Variants in GYPE observed in about 807,000 individuals in gnomAD.
The protein encoded by GYPE is glycophorin E (MNS blood group).
A neutral mutation model predicts 11.6 loss-of-function variants in GYPE; 8 were observed. The ratio of observed to expected loss-of-function variants is 0.69; its 90% CI spans 0.41 to 1.25. GYPE has a LOEUF of 1.25. GYPE is among the 50% of genes most tolerant of loss of function. GYPE has a pLI of 0.01. For missense variants in GYPE, 90 were observed against 92.8 expected (o/e 0.97, Z 0.12); for synonymous variants, 28 against 29.6 (o/e 0.94, Z 0.18).
In GYPE at chr4:143,879,862, T is replaced by C. The variant is rs1166370446; in HGVS notation, c.136+549A>G. Among the ~76,000 whole-genome samples, 4 of 152,192 alleles carry C rather than the reference T, an allele frequency of 2.6e-5. 1 individual carries two copies. Among genetic ancestry groups the C allele is most frequent in the African/African-American group, 9.7e-5 (4 of 41,432 alleles). On this transcript the variant is annotated intron_variant, in intron 2 of 3. Transcript: ENST00000358615. ...ACAAGAGAGACTGCCACCAGATTAC[T>C]CTTATCTCAGCACCCAGCTTTGCTT...
At chr4:143,904,559 C>T (rs184515113) in intron 1 of GYPE, among the ~76,000 whole-genome samples, 31 of 152,252 alleles carry the variant, frequency 2.0e-4, no homozygotes, top group Admixed American at 6.5e-4. Flanking sequence ...TTAGAAAATG[C>T]TGATCTCTCT....
At position 143,905,502 on chromosome 4, in the gene GYPE, A is replaced by G. The variant is rs753758333; in HGVS notation, c.6T>C (p.Tyr2=). 6.2e-7 allele frequency: 1 copy of G among 1,613,274 alleles called. No homozygotes were observed. Among genetic ancestry groups the G allele is most frequent in the Admixed American group, 1.7e-5 (1 of 59,952 alleles). The change falls in exon 1 of 4, where the codon TAT becomes TAC. Residue 2 remains tyrosine, a synonymous_variant. Transcript: ENST00000358615. M[Y]GKIIFVLLLS... ...ATAGTAATACAAAGATTATTTTTCC[A>G]TACATCCTGAGATCACGAGCTGGCT...
At chr4:143,885,420 C>T (rs1814467) in intron 1 of GYPE, among the ~76,000 whole-genome samples, 1 of 152,122 alleles carries the variant, frequency 6.6e-6, no homozygotes. Flanking sequence ...AGACTTCTTT[C>T]TTCTTCAACA....
chr4:143,891,730 C>T (rs1330507603), intron 1 of GYPE, among the ~76,000 whole-genome samples: 3 of 152,058 alleles, frequency 2.0e-5, no homozygotes, highest in Non-Finnish European at 4.4e-5. Context: ...GTTTGCTTGG[C>T]CCCTGTATTA....
At chr4:143,891,374 G>A (rs1287713569) in intron 1 of GYPE, among the ~76,000 whole-genome samples, 2 of 141,606 alleles carry the variant, frequency 1.4e-5, no homozygotes, top group East Asian at 2.1e-4. Context: ...TGTCGCCCAA[G>A]CTGGAGTGCA....
intron 1 of GYPE, among the ~76,000 whole-genome samples, chr4:143,891,678 T>C (rs888375301): frequency 2.0e-5 from 3 of 152,110 alleles, no homozygotes; most frequent in Admixed American, 6.6e-5. Context: ...TTGTAACTTG[T>C]AAGGTATACA....
chr4:143,875,024 C>A (rs1376756240), intron 3 of GYPE, among the ~76,000 whole-genome samples: 2 of 152,180 alleles, frequency 1.3e-5, no homozygotes, highest in Non-Finnish European at 2.9e-5. Flanking sequence ...AAGGATCTCA[C>A]AGTATGATAA....
chr4:143,875,931 G>A (rs1026680930), intron 3 of GYPE, among the ~76,000 whole-genome samples: 21 of 151,098 alleles, frequency 1.4e-4, no homozygotes, highest in East Asian at 7.8e-4. Flanking sequence ...CAGAGATTGC[G>A]CCACTTTGCA....
intron 3 of GYPE, among the ~76,000 whole-genome samples, chr4:143,875,783 A>G (rs1418438725): frequency 2.6e-5 from 4 of 152,112 alleles, no homozygotes; most frequent in African/African-American, 9.7e-5. Context: ...AGCCTGGCCA[A>G]CACAGCGAAA....
At chr4:143,897,281 TAAG>T (rs1744688643) in intron 1 of GYPE, among the ~76,000 whole-genome samples, 1 of 151,950 alleles carries the variant, frequency 6.6e-6, no homozygotes, top group African/African-American at 2.4e-5. Context: ...CTGGGCAACA[TAAG>T]AAGACCCCGT....
chr4:143,876,895 G>A (rs1222205266), intron 2 of GYPE, 40 bp from the exon 3 acceptor site: 1 of 1,105,142 alleles, frequency 9.0e-7, no homozygotes, highest in Non-Finnish European at 1.4e-6. Flanking sequence ...ATGAAAGTCT[G>A]AAATAAATGA....
chr4:143,895,291 A>G (rs1744582782), intron 1 of GYPE, among the ~76,000 whole-genome samples: 2 of 152,210 alleles, frequency 1.3e-5, no homozygotes, highest in Admixed American at 6.5e-5. Flanking sequence ...TTAAGCTGAT[A>G]AGCAACTTCA....
intron 1 of GYPE, among the ~76,000 whole-genome samples, chr4:143,900,480 C>G (rs1300268730): frequency 7.4e-6 from 1 of 134,230 alleles, no homozygotes; most frequent in African/African-American, 2.7e-5. Flanking sequence ...AAAACTAGTA[C>G]AGGAATATTT....
chr4:143,882,203 A>G (rs1164270915), intron 1 of GYPE, among the ~76,000 whole-genome samples: 1 of 152,050 alleles, frequency 6.6e-6, no homozygotes, highest in Non-Finnish European at 1.5e-5. Flanking sequence ...CAATTACTGA[A>G]TGTTTCTAAG....
chr4:143,898,604 T>C (rs896563664), intron 1 of GYPE, among the ~76,000 whole-genome samples: 7 of 152,142 alleles, frequency 4.6e-5, no homozygotes, highest in East Asian at 1.9e-4. Context: ...TACAATACCA[T>C]TGAGAAATTT....
intron 1 of GYPE, among the ~76,000 whole-genome samples, chr4:143,898,772 C>G (rs1190478046): frequency 6.6e-6 from 1 of 152,160 alleles, no homozygotes. Context: ...TATTCCCATA[C>G]ACTCATTTTG....
chr4:143,893,642 G>A (rs935024865), intron 1 of GYPE, among the ~76,000 whole-genome samples: 13 of 152,062 alleles, frequency 8.5e-5, no homozygotes, highest in South Asian at 8.3e-4. Context: ...ATTGGCCCCC[G>A]CTCTCTTCTG....
At chr4:143,882,962 T>TAC (rs1318523727) in intron 1 of GYPE, among the ~76,000 whole-genome samples, 3 of 152,182 alleles carry the variant, frequency 2.0e-5, no homozygotes, top group Middle Eastern at 3.2e-3. Flanking sequence ...GACAAATTCT[T>TAC]ATGGAGAAAG....
intron 1 of GYPE, among the ~76,000 whole-genome samples, chr4:143,884,079 C>A (rs1744157451): frequency 6.6e-6 from 1 of 151,566 alleles, no homozygotes. Context: ...TGCCTCACAT[C>A]TTCATTGCTT....
Sources: gnomAD v4.1 joint callset for allele counts (sites outside exome capture counted in the v4.1 genomes callset) on GRCh38, gnomAD v4.1.1 for gene constraint, MANE v1.5 for transcripts, NCBI Gene and HGNC (gene_info 2026-07-23, HGNC 2026-07-21) for gene names.